Variants in PSMD2 observed in about 807,000 individuals in gnomAD.
The protein encoded by PSMD2 is 26S proteasome non-ATPase regulatory subunit 2.
In PSMD2, 8 loss-of-function variants were observed where a neutral mutation model predicts 101.5. That is an observed-to-expected ratio of 0.08 (90% CI 0.05 to 0.14). PSMD2 has a LOEUF of 0.14. Ranked by LOEUF, PSMD2 falls within the 10% of genes least tolerant of loss-of-function variation. The pLI is 1.00. For synonymous variants in PSMD2, 418 were observed against 433.8 expected (o/e 0.96, Z 0.45); for missense variants, 784 against 1,147.4 (o/e 0.68, Z 4.58).
At position 184,308,682 on chromosome 3, in the gene PSMD2, CTCTT is replaced by C. The variant is rs764029629; in HGVS notation, c.2545-24_2545-21del. ...GTGGCTTGTCGCTACTTTTCCATCT[CTCTT>C]TTCAATTTTCTTACCCTACAGGCAG... On this transcript the variant is annotated intron_variant, in intron 20 of 20. Coordinates refer to ENST00000310118, the MANE Select transcript of PSMD2 (RefSeq NM_002808.5). This position sits in a 1 kb window ranked among gnomAD's most constrained non-coding sequence, Gnocchi z 6.0. The C allele has an allele frequency of 3.4e-5, 55 of 1,603,916 alleles. No homozygotes were observed. The highest frequency in any genetic ancestry group is 4.6e-5 in the Non-Finnish European group (54 of 1,172,244).
chr3:184,301,914 C>G lies in PSMD2; in HGVS notation c.547C>G (p.Pro183Ala), dbSNP rs1452145782. ...LDDAEKVQRE[P>A]LLTLVKEIVP... Reference sequence around the variant, plus strand: ...TGACGCAGAGAAGGTCCAGCGGGAGCCTCTGCTCACTCTGGTGAAGGAAAT... The same window carrying G: ...TGACGCAGAGAAGGTCCAGCGGGAGGCTCTGCTCACTCTGGTGAAGGAAAT... The change falls in exon 5 of 21, where the codon CCT becomes GCT. Residue 183 changes from proline (P) to alanine (A), a missense_variant. Transcript: ENST00000310118. The G allele has an allele frequency of 6.2e-7, 1 of 1,614,062 alleles. No individual in the cohort carries two copies. The highest frequency in any genetic ancestry group is 1.1e-5 in the South Asian group (1 of 91,078).
Position 184,306,828 on chromosome 3 carries a change from C to T in PSMD2, c.2028C>T (p.Gly676=), listed in dbSNP as rs1721848098. 6.2e-7 allele frequency: 1 copy of T among 1,613,224 alleles called. No homozygotes were observed. ...IGAEMALRTF[G]HLLRYGEPTL... is the part of the protein sequence containing the mutation. ...CAGAGATGGCATTACGAACCTTTGG[C>T]CACTTGGTGAGTATAGCATGAAGAA... Residue 676 remains glycine, a synonymous_variant, in exon 16 of 21, where the codon GGC becomes GGT. Transcript: ENST00000310118.
At chr3:184,301,051 C>T (rs1721626171) in intron 3 of PSMD2, among the ~76,000 whole-genome samples, 1 of 152,046 alleles carries the variant, frequency 6.6e-6, no homozygotes, top group African/African-American at 2.4e-5. Context: ...AAGACAGTGG[C>T]TGGGTGTGGT....
chr3:184,308,034 A>G lies in PSMD2; in HGVS notation c.2425+18A>G, dbSNP rs1721893444. On this transcript the variant is annotated intron_variant, in intron 19 of 20. Coordinates refer to ENST00000310118, the MANE Select transcript of PSMD2 (RefSeq NM_002808.5). This position sits in a 1 kb window ranked among gnomAD's most constrained non-coding sequence, Gnocchi z 6.0. ...TCGAAACAGTGAGTTCCTGTCAGAAATTTTATATCATAGCATGCAGGGCTC... is the reference window on the plus strand; with the variant it reads ...TCGAAACAGTGAGTTCCTGTCAGAAGTTTTATATCATAGCATGCAGGGCTC... 1.2e-6 allele frequency: 2 copies of G among 1,613,166 alleles called. No individual in the cohort carries two copies. The highest frequency in any genetic ancestry group is 1.7e-5 in the Admixed American group (1 of 59,960).
At chr3:184,301,186 A>T (rs375299361) in intron 3 of PSMD2, among the ~76,000 whole-genome samples, 1 of 151,672 alleles carries the variant, frequency 6.6e-6, no homozygotes, top group Non-Finnish European at 1.5e-5. Context: ...AAAAAAAAAA[A>T]TTAGCTGGGT....
Position 184,307,967 on chromosome 3 carries a change from C to T in PSMD2, c.2376C>T (p.Ala792=), listed in dbSNP as rs1185617475. The T allele has an allele frequency of 5.0e-6, 8 of 1,614,010 alleles. No homozygotes were observed. The highest frequency in any genetic ancestry group is 2.2e-5 in the South Asian group (2 of 91,088). The stretch of plus-strand genomic sequence containing the variant: ...ACCGGCAGCTTATGAGCCAGGTGGC[C>T]GTGGCTGGACTGCTCACTGTGCTTG... ...HSDRQLMSQV[A]VAGLLTVLVS... The change falls in exon 19 of 21, where the codon GCC becomes GCT. Residue 792 remains alanine (A), a synonymous_variant. Transcript: ENST00000310118.
At chr3:184,307,271 C>A in intron 16 of PSMD2, 86 bp from the exon 17 acceptor site, 1 of 1,447,636 alleles carries the variant, frequency 6.9e-7, no homozygotes, top group South Asian at 1.2e-5. Flanking sequence ...GAAGTTAAGG[C>A]CCCCTTTTAC....
At chr3:184,303,174 A>T in intron 8 of PSMD2, 112 bp downstream of exon 8, 1 of 1,508,014 alleles carries the variant, frequency 6.6e-7, no homozygotes, top group Admixed American at 1.7e-5. Context: ...ATCCTCATGA[A>T]TCTTTTTCAG....
chr3:184,306,216 C>A (rs942349758), intron 14 of PSMD2, 61 bp downstream of exon 14: 16 of 1,600,234 alleles, frequency 1.0e-5, no homozygotes, highest in Non-Finnish European at 1.1e-5. Context: ...CTTTCTTGGT[C>A]CTTATTTTCA....
chr3:184,308,907 C>T lies in PSMD2; in HGVS notation c.*17C>T, dbSNP rs1049440. On this transcript the variant is annotated 3_prime_UTR_variant, in exon 21 of 21. Transcript: ENST00000310118. This position sits in a 1 kb window ranked among gnomAD's most constrained non-coding sequence, Gnocchi z 6.0. ...GATCTCTAAGTGACCACCAGGGGCT[C>T]TGAACTGCAGCTGATGTTATCAGCA... 6.2e-7 allele frequency: 1 copy of T among 1,606,060 alleles called. No individual in the cohort carries two copies. Among genetic ancestry groups the T allele is most frequent in the Non-Finnish European group, 8.5e-7 (1 of 1,175,780 alleles).
chr3:184,303,114 T>C (rs1191611656), intron 8 of PSMD2, 52 bp downstream of exon 8: 12 of 1,579,080 alleles, frequency 7.6e-6, no homozygotes, highest in Non-Finnish European at 9.6e-6. Context: ...GTATGCCCCT[T>C]GTATTGGGAG....
chr3:184,302,783 A>G lies in PSMD2; in HGVS notation c.968A>G (p.Asn323Ser). ...EYEDLTEIMS[N>S]VQLNSNFLAL... ...GAGGACCTGACAGAGATCATGTCCA[A>G]TGTACAGCTCAACAGCAACTTCTTG... Residue 323 changes from asparagine (N) to serine (S), a missense_variant, in exon 7 of 21, where the codon AAT becomes AGT. Asn to Ser is a conservative substitution (Grantham distance 46, BLOSUM62 1). Around this residue, in one of 6 missense-constraint regions of PSMD2, gnomAD observed 208 missense variants for 301.6 expected, o/e 0.69. Coordinates refer to ENST00000310118, the MANE Select transcript of PSMD2 (RefSeq NM_002808.5). 1 of 1,614,176 alleles carries G rather than the reference A, an allele frequency of 6.2e-7. No individual in the cohort carries two copies. The highest frequency in any genetic ancestry group is 1.1e-5 in the South Asian group (1 of 91,088).
intron 2 of PSMD2, 85 bp downstream of exon 2, chr3:184,299,992 G>A (rs952514166): frequency 8.2e-6 from 10 of 1,222,292 alleles, no homozygotes; most frequent in Middle Eastern, 1.9e-4. Flanking sequence ...TGCTATGTAC[G>A]GTGGACTGTA....
chr3:184,307,923 C>T lies in PSMD2; in HGVS notation c.2332C>T (p.Leu778Phe). 6.2e-7 allele frequency: 1 copy of T among 1,614,152 alleles called. No homozygotes were observed. Among genetic ancestry groups the T allele is most frequent in the Non-Finnish European group, 8.5e-7 (1 of 1,180,020 alleles). The part of the protein sequence containing the change: ...LTHLGKGTLT[L>F]CPYHSDRQLM... ...ACATTTAGGGAAGGGCACCCTTACC[C>T]TCTGCCCCTACCACAGCGACCGGCA... The change falls in exon 19 of 21, where the codon CTC becomes TTC. Residue 778 changes from leucine to phenylalanine, a missense_variant. Around this residue, in one of 6 missense-constraint regions of PSMD2, gnomAD observed 282 missense variants for 437.6 expected, o/e 0.64. Coordinates refer to ENST00000310118, the MANE Select transcript of PSMD2 (RefSeq NM_002808.5).
At chr3:184,303,197 G>C (rs565515411) in intron 8 of PSMD2, 123 bp from the exon 9 acceptor site, 18 of 1,496,278 alleles carry the variant, frequency 1.2e-5, no homozygotes, top group Middle Eastern at 1.9e-4. Context: ...CACTGCTTGG[G>C]GGGGTATAGG....
chr3:184,303,010 C>G lies in PSMD2; in HGVS notation c.1017C>G (p.Ile339Met). The change falls in exon 8 of 21, where the codon ATC becomes ATG. Residue 339 changes from isoleucine to methionine, a missense_variant. This residue lies in a region of PSMD2 where 208 missense variants were observed against 301.6 expected (regional missense o/e 0.69). Transcript: ENST00000310118. Reference protein sequence around the residue: ...NFLALARELDIMEPKVPDDIY... With the variant: ...NFLALARELDMMEPKVPDDIY... ...CTCTGACTTCTCTTCAGCTGGACAT[C>G]ATGGAGCCCAAGGTGCCTGATGACA... 6.2e-7 allele frequency: 1 copy of G among 1,614,070 alleles called. No homozygotes were observed. Among genetic ancestry groups the G allele is most frequent in the Non-Finnish European group, 8.5e-7 (1 of 1,180,022 alleles).
rs1011610603 is a variant in PSMD2 at position 184,308,039 on chromosome 3, A to G, written c.2425+23A>G. On this transcript the variant is annotated intron_variant, in intron 19 of 20. Transcript: ENST00000310118. This position sits in a 1 kb window ranked among gnomAD's most constrained non-coding sequence, Gnocchi z 6.0. ...ACAGTGAGTTCCTGTCAGAAATTTT[A>G]TATCATAGCATGCAGGGCTCTGACT... 3 of 1,612,768 alleles carry G rather than the reference A, an allele frequency of 1.9e-6. No homozygotes were observed. The African/African-American group carries it at 4.0e-5, about 22-fold the overall frequency.
At position 184,304,183 on chromosome 3, in the gene PSMD2, G is replaced by C. The variant is rs559337623; in HGVS notation, c.1451+109G>C. ...CCAAGGGCTACCACTGTGCCTATTG[G>C]GTATCTGGCTCTTGGTGAATGTTTG... On this transcript the variant is annotated intron_variant, in intron 11 of 20. Coordinates refer to ENST00000310118, the MANE Select transcript of PSMD2 (RefSeq NM_002808.5). The surrounding 1 kb of genome is among the most constrained non-coding windows in gnomAD (Gnocchi z 4.1). The C allele has an allele frequency of 2.8e-5, 43 of 1,551,926 alleles. No individual in the cohort carries two copies. In the East Asian group the frequency reaches 8.8e-4, roughly 32 times the overall value.
chr3:184,299,643 A>T, intron 1 of PSMD2: 1 of 642,394 alleles, frequency 1.6e-6, no homozygotes, highest in East Asian at 2.9e-5. Context: ...GGTCATTGTC[A>T]CCTCCGTTTC....
Sources: gnomAD v4.1 joint callset for allele counts (sites outside exome capture counted in the v4.1 genomes callset) on GRCh38, gnomAD v4.1.1 for gene constraint, gnomAD v4.1.1 regional missense constraint, Gnocchi (gnomAD v3.1) non-coding constraint, MANE v1.5 for transcripts, NCBI Gene and HGNC (gene_info 2026-07-23, HGNC 2026-07-21) for gene names.